The following ABCA13 variants were observed in gnomAD, a reference collection of about 807,000 sequenced individuals.
ABCA13 encodes ATP binding cassette subfamily A member 13, also known as ATP-binding cassette sub-family A member 13.
A neutral mutation model predicts 478.7 loss-of-function variants in ABCA13; 476 were observed. The observed-to-expected ratio is 0.99, with a 90% CI of 0.92 to 1.07. The LOEUF (loss-of-function observed/expected upper bound fraction) is 1.07, where lower values mean the gene tolerates loss of function less well. ABCA13 is among the 50% of genes least tolerant of loss of function. ABCA13 has a pLI of 0.00. For synonymous variants in ABCA13, 2,252 were observed against 2,158.9 expected (o/e 1.04, Z -1.20); for missense variants, 6,060 against 5,910.6 (o/e 1.03, Z -0.83).
intron 2 of ABCA13, among the ~76,000 whole-genome samples, chr7:48,197,367 C>T (rs1455305606): frequency 6.6e-6 from 1 of 152,138 alleles, no homozygotes; most frequent in African/African-American, 2.4e-5. Context: ...ACAGGCATCT[C>T]CATTCCAGGT....
intron 42 of ABCA13, among the ~76,000 whole-genome samples, chr7:48,445,483 A>G (rs762686838): frequency 1.3e-5 from 2 of 152,166 alleles, no homozygotes; most frequent in Admixed American, 6.5e-5. Flanking sequence ...TCTTAAACAG[A>G]TCAAGCTCCT....
chr7:48,472,471 C>CA (rs1827602697), intron 45 of ABCA13, among the ~76,000 whole-genome samples: 1 of 151,928 alleles, frequency 6.6e-6, no homozygotes, highest in East Asian at 1.9e-4. Context: ...CTCTAGAGAA[C>CA]AAAAAAGAAG....
intron 3 of ABCA13, among the ~76,000 whole-genome samples, chr7:48,215,065 A>T (rs1786235876): frequency 1.3e-5 from 2 of 152,150 alleles, no homozygotes; most frequent in African/African-American, 4.8e-5. Flanking sequence ...CAGTGAGCTG[A>T]GATTGTGCTA....
At chr7:48,190,741 A>G (rs1159972430) in intron 1 of ABCA13, among the ~76,000 whole-genome samples, 1 of 152,216 alleles carries the variant, frequency 6.6e-6, no homozygotes, top group East Asian at 1.9e-4. Flanking sequence ...AGCAAGGTAG[A>G]ACTATAAGTG....
intron 19 of ABCA13, among the ~76,000 whole-genome samples, chr7:48,285,161 C>T (rs979762131): frequency 6.6e-5 from 10 of 152,082 alleles, no homozygotes; most frequent in African/African-American, 2.4e-4. Flanking sequence ...AGTGAGTTTC[C>T]CAGGGTTTCA....
chr7:48,172,792 C>T (rs1227160318), intron 1 of ABCA13, among the ~76,000 whole-genome samples: 2 of 86,666 alleles, frequency 2.3e-5, no homozygotes, highest in Non-Finnish European at 4.0e-5. Flanking sequence ...AGCGAGACTC[C>T]GTCTCAAAAA....
At chr7:48,518,089 G>C (rs1038528873) in intron 52 of ABCA13, among the ~76,000 whole-genome samples, 1 of 152,052 alleles carries the variant, frequency 6.6e-6, no homozygotes, top group Non-Finnish European at 1.5e-5. Context: ...AATCTATTTT[G>C]GTGATTTTTA....
At chr7:48,626,232 G>T (rs1793651555) in intron 59 of ABCA13, among the ~76,000 whole-genome samples, 1 of 152,184 alleles carries the variant, frequency 6.6e-6, no homozygotes, top group Admixed American at 6.5e-5. Flanking sequence ...AGGTTTCAAA[G>T]CCCATGAGGT....
In ABCA13 at chr7:48,403,880, GT is replaced by G; in HGVS notation, c.12070+2del. 6.2e-7 allele frequency: 1 copy of G among 1,612,000 alleles called. No homozygotes were observed. The highest frequency in any genetic ancestry group is 1.7e-4 in the Middle Eastern group (1 of 6,058). On this transcript the variant is annotated splice_donor_variant, in intron 39 of 61. Coordinates refer to ENST00000435803, the MANE Select transcript of ABCA13 (RefSeq NM_152701.5). LOFTEE classifies it high-confidence loss of function. ...GACATTCTGCTCAAGTACCGAGAAG[GT>G]AGGCACTGGGCCTCATTCTGCCTTC...
At chr7:48,309,816 T>A in intron 23 of ABCA13, 131 bp from the exon 24 acceptor site, 1 of 940,152 alleles carries the variant, frequency 1.1e-6, no homozygotes. Flanking sequence ...GCTCCCCGCA[T>A]CTGCAGGTCA....
intron 59 of ABCA13, among the ~76,000 whole-genome samples, chr7:48,640,380 T>A (rs1352998349): frequency 1.3e-5 from 2 of 152,214 alleles, no homozygotes; most frequent in Non-Finnish European, 2.9e-5. Context: ...TCAAAATATA[T>A]GTGTGTATGT....
intron 15 of ABCA13, among the ~76,000 whole-genome samples, chr7:48,260,287 C>T (rs867434471): frequency 6.6e-6 from 1 of 151,884 alleles, no homozygotes; most frequent in Non-Finnish European, 1.5e-5. Flanking sequence ...TCAGTTGACT[C>T]CTTTTCTGGA....
At chr7:48,251,312 G>C (rs1230873186) in intron 15 of ABCA13, among the ~76,000 whole-genome samples, 1 of 152,190 alleles carries the variant, frequency 6.6e-6, no homozygotes, top group Non-Finnish European at 1.5e-5. Context: ...CAGGCTTGTG[G>C]TTCAGAAGTC....
At chr7:48,255,429 C>G (rs11768619) in intron 15 of ABCA13, among the ~76,000 whole-genome samples, 5,530 of 151,912 alleles carry the variant, frequency 0.036, 205 homozygotes, top group Admixed American at 0.1. Context: ...ACATAGTATC[C>G]AATAGTTAGT....
chr7:48,395,925 C>T (rs1816775254), intron 38 of ABCA13, among the ~76,000 whole-genome samples: 1 of 152,008 alleles, frequency 6.6e-6, no homozygotes, highest in South Asian at 2.1e-4. Flanking sequence ...GCTTTAAGTC[C>T]CTGCATTGTT....
intron 27 of ABCA13, among the ~76,000 whole-genome samples, chr7:48,327,904 A>G (rs146051204): frequency 8.5e-5 from 13 of 152,320 alleles, no homozygotes; most frequent in Non-Finnish European, 1.5e-4. Flanking sequence ...AAAGATATTT[A>G]TTTGTTTGTA....
chr7:48,454,749 A>T (rs893780415), intron 42 of ABCA13, among the ~76,000 whole-genome samples: 1 of 151,946 alleles, frequency 6.6e-6, no homozygotes, highest in Non-Finnish European at 1.5e-5. Flanking sequence ...GAAGCAAAGG[A>T]GCAGCCCAGG....
intron 50 of ABCA13, among the ~76,000 whole-genome samples, 169 bp from the exon 51 acceptor site, chr7:48,510,915 A>G (rs1353108013): frequency 6.6e-6 from 1 of 152,212 alleles, no homozygotes; most frequent in African/African-American, 2.4e-5. Context: ...GGTACAACTC[A>G]GATTAAAACA....
chr7:48,394,865 G>A (rs1816616843), intron 38 of ABCA13, among the ~76,000 whole-genome samples: 2 of 152,074 alleles, frequency 1.3e-5, no homozygotes, highest in Non-Finnish European at 2.9e-5. Flanking sequence ...AGAAACCTCA[G>A]GTGCAAACAA....
Sources: gnomAD v4.1 joint callset for allele counts (sites outside exome capture counted in the v4.1 genomes callset) on GRCh38, gnomAD v4.1.1 for gene constraint, MANE v1.5 for transcripts, NCBI Gene and HGNC (gene_info 2026-07-23, HGNC 2026-07-21) for gene names.